SPATA13: variants seen among roughly 807,000 people sequenced by gnomAD.
SPATA13 encodes the protein spermatogenesis associated 13.
Under a neutral mutation model 104.0 loss-of-function variants are expected in SPATA13, and 50 were observed. The observed-to-expected ratio is 0.48, with a 90% CI of 0.38 to 0.61. SPATA13 has a LOEUF of 0.61. Among genes scored for constraint, SPATA13 ranks in the 20% least tolerant of loss-of-function variants. The pLI, the probability that SPATA13 is intolerant of heterozygous loss-of-function variation, is 0.00. For missense variants in SPATA13, 1,524 were observed against 1,690.6 expected (o/e 0.90, Z 1.73); for synonymous variants, 606 against 667.5 (o/e 0.91, Z 1.42).
intron 3 of SPATA13, among the ~76,000 whole-genome samples, chr13:24,087,007 CT>C (rs1015360260): frequency 2.6e-5 from 4 of 152,178 alleles, no homozygotes; most frequent in Non-Finnish European, 5.9e-5. Context: ...GGAACGTTTT[CT>C]TTTTTTAATA....
At chr13:24,294,077 T>C (rs1449554385) in intron 9 of SPATA13, among the ~76,000 whole-genome samples, 1 of 152,208 alleles carries the variant, frequency 6.6e-6, no homozygotes, top group Non-Finnish European at 1.5e-5. Flanking sequence ...TGCTAGCCTG[T>C]GTGTAGATTA....
chr13:24,159,460 G>A (rs1467457330), upstream of SPATA13, among the ~76,000 whole-genome samples: 1 of 152,196 alleles, frequency 6.6e-6, no homozygotes, highest in Non-Finnish European at 1.5e-5. Context: ...TTAGAAAACA[G>A]GAATGGAAAG....
At chr13:24,140,835 C>T (rs771766822) in intron 3 of SPATA13, among the ~76,000 whole-genome samples, 29 of 152,178 alleles carry the variant, frequency 1.9e-4, no homozygotes, top group Non-Finnish European at 3.4e-4. Flanking sequence ...AACATTAAAA[C>T]CAGTAAAGCT....
chr13:24,284,071 C>T, intron 4 of SPATA13, 64 bp from the exon 5 acceptor site: 2 of 1,539,370 alleles, frequency 1.3e-6, no homozygotes, highest in Non-Finnish European at 1.8e-6. Flanking sequence ...CAAATTTTTT[C>T]ATCATATGAA....
intron 1 of SPATA13, among the ~76,000 whole-genome samples, chr13:23,983,568 A>G (rs1287889699): frequency 2.6e-5 from 4 of 152,092 alleles, no homozygotes; most frequent in Non-Finnish European, 4.4e-5. Context: ...TATTCTCATT[A>G]GTATTTTCTC....
chr13:24,072,825 C>CT (rs11353469), intron 3 of SPATA13, among the ~76,000 whole-genome samples: 19 of 120,650 alleles, frequency 1.6e-4, no homozygotes, highest in South Asian at 8.6e-4. Context: ...CTGTTGGCTC[C>CT]TTTTTTTTTT....
rs1332883506 is a variant in SPATA13 at position 24,306,306 on chromosome 13, C to T, written c.*3533C>T. ...GCCAAATTGCTGATACTCCTTCATG[C>T]AGATCAACTTGGTGTCCCAGTCAGA... On this transcript the variant is annotated 3_prime_UTR_variant, in exon 13 of 13. Transcript: ENST00000382108. 1 of 152,214 alleles carries T rather than the reference C, an allele frequency of 6.6e-6. No individual in the cohort carries two copies. Among genetic ancestry groups the T allele is most frequent in the Non-Finnish European group, 1.5e-5 (1 of 68,048 alleles). The allele number at this position is 152,214 out of a possible 1,614,324, so 9.4% of individuals were successfully genotyped here.
rs771789214 is a variant in SPATA13, at chr13:24,249,702, A to G, written c.1879A>G (p.Thr627Ala). ...RVDEDPQASM[T>A]SASPEDQNAP... The stretch of plus-strand genomic sequence containing the variant: ...GGACGAGGACCCCCAGGCAAGCATG[A>G]CTTCTGCCAGCCCTGAAGACCAGAA... Residue 627 changes from threonine (T) to alanine (A), a missense_variant, in exon 3 of 13, where the codon ACT becomes GCT. Around this residue, in one of 2 missense-constraint regions of SPATA13, gnomAD observed 1,089 missense variants for 1,135.9 expected, o/e 0.96. Transcript: ENST00000382108. The G allele has an allele frequency of 3.1e-6, 5 of 1,613,566 alleles. No individual in the cohort carries two copies. The highest frequency in any genetic ancestry group is 3.3e-5 in the Admixed American group (2 of 59,998).
At chr13:24,260,505 C>T (rs1874007806) in intron 4 of SPATA13, among the ~76,000 whole-genome samples, 1 of 152,124 alleles carries the variant, frequency 6.6e-6, no homozygotes, top group Admixed American at 6.6e-5. Context: ...ATGGCAGTTG[C>T]TTTATTATGA....
intron 3 of SPATA13, among the ~76,000 whole-genome samples, chr13:24,042,929 G>T (rs1027134866): frequency 1.3e-5 from 2 of 152,216 alleles, no homozygotes; most frequent in African/African-American, 4.8e-5. Context: ...TTGATAGAAT[G>T]ATGCAAATGT....
chr13:24,086,402 G>T (rs1879720228), intron 3 of SPATA13, among the ~76,000 whole-genome samples: 1 of 152,144 alleles, frequency 6.6e-6, no homozygotes, highest in Non-Finnish European at 1.5e-5. Context: ...CCATCTGCTT[G>T]GGTGACAGCT....
intron 3 of SPATA13, among the ~76,000 whole-genome samples, chr13:24,138,319 A>C (rs7991171): frequency 1.3e-5 from 2 of 150,132 alleles, no homozygotes; most frequent in Non-Finnish European, 3.0e-5. Context: ...AAAAAAAAAA[A>C]AACAGTTTTA....
chr13:24,019,075 C>CTTATTA (rs201394966), intron 3 of SPATA13, among the ~76,000 whole-genome samples: 12 of 137,560 alleles, frequency 8.7e-5, no homozygotes, highest in Non-Finnish European at 1.4e-4. Flanking sequence ...TTATATGATT[C>CTTATTA]TTATTATTAT....
Position 24,103,765 on chromosome 13 carries a change from G to C in SPATA13, c.-112+86064G>C, listed in dbSNP as rs904573233. On this transcript the variant is annotated intron_variant, in intron 3 of 14. Transcript: ENST00000424834. ...AAGGGAGGAAGGATAAGAGGGTAGT[G>C]AGATAAGGTTTCCCTGTAGAGAAGC... 4.6e-5 allele frequency among the ~76,000 whole-genome samples: 7 copies of C among 152,166 alleles called. No individual in the cohort carries two copies. The East Asian group carries it at 7.7e-4, about 17-fold the overall frequency.
chr13:24,051,218 C>T lies in SPATA13; in HGVS notation c.-112+33517C>T, dbSNP rs74864278. On this transcript the variant is annotated intron_variant, in intron 3 of 14. Coordinates refer to the SPATA13 transcript ENST00000424834. This position sits in a 1 kb window ranked among gnomAD's most constrained non-coding sequence, Gnocchi z 4.2. ...TCTCCACGCAGCACATACCTTGTTG[C>T]AGTGGCCACCTGACCTTCCAAGAGG... Among the ~76,000 whole-genome samples the T allele has an allele frequency of 3.7e-3, 568 of 152,336 alleles. 6 individuals are homozygous for T. Among genetic ancestry groups the T allele is most frequent in the Middle Eastern group, 6.8e-3 (2 of 294 alleles).
chr13:24,113,484 G>T (rs1329552290), intron 3 of SPATA13, among the ~76,000 whole-genome samples: 1 of 151,934 alleles, frequency 6.6e-6, no homozygotes, highest in East Asian at 1.9e-4. Context: ...TGTGCCTGTA[G>T]TCCCAGCTGC....
intron 3 of SPATA13, among the ~76,000 whole-genome samples, chr13:24,084,100 A>C (rs967464204): frequency 7.6e-6 from 1 of 131,050 alleles, no homozygotes. Context: ...AGGGGGAGAA[A>C]GAGAGAGCCG....
rs908664786 is a variant in SPATA13, at chr13:24,272,255, C to T, written c.2165-11880C>T. 5.3e-5 allele frequency among the ~76,000 whole-genome samples: 8 copies of T among 152,144 alleles called. No homozygotes were observed. The South Asian group carries it at 1.2e-3, about 24-fold the overall frequency. On this transcript the variant is annotated intron_variant, in intron 4 of 12. Coordinates refer to ENST00000382108, the MANE Select transcript of SPATA13 (RefSeq NM_001166271.3). ...CACACAGGGGAGGCCGAGGGAAGCC[C>T]GACCCAGCCTCCAGCTCTGAGCGGT...
chr13:24,060,793 T>C (rs1878744939), intron 3 of SPATA13, among the ~76,000 whole-genome samples: 1 of 152,236 alleles, frequency 6.6e-6, no homozygotes, highest in African/African-American at 2.4e-5. Flanking sequence ...CTGGGCACGC[T>C]GGCTCATGCC....
Sources: gnomAD v4.1 joint callset for allele counts (sites outside exome capture counted in the v4.1 genomes callset) on GRCh38, gnomAD v4.1.1 for gene constraint, gnomAD v4.1.1 regional missense constraint, Gnocchi (gnomAD v3.1) non-coding constraint, MANE v1.5 for transcripts, NCBI Gene and HGNC (gene_info 2026-07-23, HGNC 2026-07-21) for gene names.